The following CHN2 variants were observed in gnomAD, a reference collection of about 807,000 sequenced individuals.
The protein encoded by CHN2 is beta-chimaerin.
A neutral mutation model predicts 56.3 loss-of-function variants in CHN2; 35 were observed. That is an observed-to-expected ratio of 0.62 (90% CI 0.47 to 0.82). The LOEUF is 0.82. CHN2 is among the 40% of genes least tolerant of loss of function. CHN2 has a pLI of 0.00. For synonymous variants in CHN2, 210 were observed against 212.8 expected (o/e 0.99, Z 0.12); for missense variants, 491 against 580.5 (o/e 0.85, Z 1.58).
intron 1 of CHN2, among the ~76,000 whole-genome samples, chr7:29,223,946 C>T (rs1450958275): frequency 6.6e-6 from 1 of 152,140 alleles, no homozygotes; most frequent in Non-Finnish European, 1.5e-5. Context: ...TGACTTAAAA[C>T]TCTTAAAATT....
chr7:29,430,284 C>T (rs1409976715), intron 6 of CHN2, among the ~76,000 whole-genome samples: 1 of 152,142 alleles, frequency 6.6e-6, no homozygotes, highest in Non-Finnish European at 1.5e-5. Context: ...ACATGGCCTA[C>T]CCCCTTGATT....
intron 6 of CHN2, among the ~76,000 whole-genome samples, chr7:29,475,954 T>G (rs1487271514): frequency 3.9e-5 from 6 of 152,182 alleles, no homozygotes; most frequent in African/African-American, 1.4e-4. Flanking sequence ...AACTAGGTAG[T>G]GGTGATTGTT....
rs562991478 is a variant in CHN2, at chr7:29,332,108, A to G, written c.50-22517A>G. 5.1e-4 allele frequency among the ~76,000 whole-genome samples: 77 copies of G among 152,136 alleles called. 1 individual carries two copies. Among genetic ancestry groups the G allele is most frequent in the Non-Finnish European group, 6.3e-4 (43 of 68,026 alleles). On this transcript the variant is annotated intron_variant, in intron 1 of 12. Transcript: ENST00000222792. ...AGGCCAATATTCTAATATGATTTAT[A>G]TCCATCCAAAGGAGAAAATAAACAG...
chr7:29,505,915 T>C (rs913819905), intron 10 of CHN2, among the ~76,000 whole-genome samples: 1 of 152,238 alleles, frequency 6.6e-6, no homozygotes, highest in African/African-American at 2.4e-5. Flanking sequence ...ATGTAAATAA[T>C]GAAATCAACA....
At chr7:29,168,859 C>T (rs921342521) in intron 2 of CHN2, among the ~76,000 whole-genome samples, 3 of 152,186 alleles carry the variant, frequency 2.0e-5, no homozygotes, top group African/African-American at 4.8e-5. Context: ...TTTACATATG[C>T]GTGTTTACCA....
intron 1 of CHN2, among the ~76,000 whole-genome samples, chr7:29,213,611 GCTTTA>G (rs997761726): frequency 6.6e-6 from 1 of 152,076 alleles, no homozygotes; most frequent in African/African-American, 2.4e-5. Context: ...GGATTGGGAG[GCTTTA>G]CTTATTTTTT....
chr7:29,318,047 A>G (rs1169593184), intron 1 of CHN2, among the ~76,000 whole-genome samples: 2 of 152,122 alleles, frequency 1.3e-5, no homozygotes, highest in Non-Finnish European at 2.9e-5. Flanking sequence ...CAGGGTGGAG[A>G]ATGTAGATGA....
At chr7:29,342,420 T>C (rs549061961) in intron 1 of CHN2, among the ~76,000 whole-genome samples, 1 of 152,300 alleles carries the variant, frequency 6.6e-6, no homozygotes, top group Admixed American at 6.5e-5. Context: ...GAATATACTA[T>C]GGCCAAAAAA....
chr7:29,465,384 A>C (rs1264463455), intron 6 of CHN2, among the ~76,000 whole-genome samples: 1 of 152,242 alleles, frequency 6.6e-6, no homozygotes, highest in East Asian at 1.9e-4. Context: ...AAGTTTATTC[A>C]TTAAATTACA....
At chr7:29,198,092 G>A in intron 1 of CHN2, 2 of 454,806 alleles carry the variant, frequency 4.4e-6, no homozygotes, top group South Asian at 1.6e-5. Flanking sequence ...TGCTGCTGAT[G>A]TAGGAGGTTT....
chr7:29,233,934 C>T (rs867565362), intron 1 of CHN2, among the ~76,000 whole-genome samples: 36 of 143,562 alleles, frequency 2.5e-4, no homozygotes, highest in African/African-American at 4.1e-4. Context: ...CCCGGGTTCA[C>T]GCCATTCTCC....
chr7:29,213,151 G>C (rs1409794565), intron 1 of CHN2: 11 of 1,504,236 alleles, frequency 7.3e-6, no homozygotes, highest in Admixed American at 1.7e-5. Flanking sequence ...AGGTATTTTA[G>C]TACTCCACAA....
intron 6 of CHN2, among the ~76,000 whole-genome samples, chr7:29,459,126 C>G (rs1385095660): frequency 6.6e-6 from 1 of 152,192 alleles, no homozygotes; most frequent in Admixed American, 6.5e-5. Flanking sequence ...ATGCAGTACA[C>G]CTCGCCAGGA....
intron 1 of CHN2, among the ~76,000 whole-genome samples, chr7:29,202,293 A>G (rs1784219629): frequency 6.6e-6 from 1 of 152,256 alleles, no homozygotes; most frequent in Non-Finnish European, 1.5e-5. Context: ...TACTTCTACA[A>G]AAAGCCCACA....
chr7:29,283,017 C>G (rs978357203), intron 1 of CHN2, among the ~76,000 whole-genome samples: 4 of 152,140 alleles, frequency 2.6e-5, no homozygotes, highest in Non-Finnish European at 5.9e-5. Context: ...GCAAAGAGGA[C>G]AGCTGGCCAG....
intron 6 of CHN2, among the ~76,000 whole-genome samples, chr7:29,467,512 G>A (rs904862239): frequency 1.8e-4 from 28 of 152,188 alleles, no homozygotes; most frequent in African/African-American, 6.8e-4. Flanking sequence ...GAGAACCTGG[G>A]CAAATCAGCA....
At chr7:29,222,537 A>G (rs1785888948) in intron 1 of CHN2, among the ~76,000 whole-genome samples, 1 of 152,078 alleles carries the variant, frequency 6.6e-6, no homozygotes, top group South Asian at 2.1e-4. Context: ...CAGAAATAAG[A>G]AACAGTAAAT....
chr7:29,239,409 A>G (rs1233045486), intron 1 of CHN2, among the ~76,000 whole-genome samples: 2 of 152,214 alleles, frequency 1.3e-5, no homozygotes, highest in African/African-American at 4.8e-5. Context: ...GGACATGTTC[A>G]GTTTGATATG....
chr7:29,157,981 T>C (rs1020087341), intron 2 of CHN2, among the ~76,000 whole-genome samples: 1 of 152,184 alleles, frequency 6.6e-6, no homozygotes, highest in African/African-American at 2.4e-5. Flanking sequence ...TTTTTGAAAA[T>C]GGTTCCAAAG....
Sources: gnomAD v4.1 joint callset for allele counts (sites outside exome capture counted in the v4.1 genomes callset) on GRCh38, gnomAD v4.1.1 for gene constraint, MANE v1.5 for transcripts, NCBI Gene and HGNC (gene_info 2026-07-23, HGNC 2026-07-21) for gene names.